Variants in ITGB3BP observed in about 807,000 individuals in gnomAD.
The protein encoded by ITGB3BP is integrin subunit beta 3 binding protein.
Under a neutral mutation model 29.1 loss-of-function variants are expected in ITGB3BP, and 27 were observed. That is an observed-to-expected ratio of 0.93 (90% CI 0.68 to 1.28). The LOEUF (loss-of-function observed/expected upper bound fraction) is 1.28. Among genes scored for constraint, ITGB3BP ranks in the 50% most tolerant of loss-of-function variants. ITGB3BP has a pLI of 0.00. For missense variants in ITGB3BP, 192 were observed against 200.2 expected (o/e 0.96, Z 0.25); for synonymous variants, 61 against 61.4 (o/e 0.99, Z 0.03).
chr1:63,460,526 C>T (rs1481828916), intron 4 of ITGB3BP, among the ~76,000 whole-genome samples: 2 of 152,170 alleles, frequency 1.3e-5, no homozygotes, highest in Non-Finnish European at 2.9e-5. Context: ...GTACATACCA[C>T]ACTTTATCCA....
Position 63,473,127 on chromosome 1 carries a change from G to A in ITGB3BP, c.254+5637C>T, listed in dbSNP as rs1025972250. Among the ~76,000 whole-genome samples, 19 of 149,476 alleles carry A rather than the reference G, an allele frequency of 1.3e-4. 1 individual carries two copies. In the South Asian group the frequency reaches 1.9e-3, roughly 15 times the overall value. On this transcript the variant is annotated intron_variant, in intron 4 of 8. Coordinates refer to ENST00000271002, the MANE Select transcript of ITGB3BP (RefSeq NM_014288.5). The stretch of plus-strand genomic sequence containing the variant: ...ATGTGGGGAGCACCTCTGCCCTGCC[G>A]CCCTGTCTGGGATGTGAGGACCGCC...
intron 3 of ITGB3BP, among the ~76,000 whole-genome samples, chr1:63,480,548 G>A (rs1323763563): frequency 6.6e-6 from 1 of 151,890 alleles, no homozygotes; most frequent in African/African-American, 2.4e-5. Flanking sequence ...ACAGTCAAAC[G>A]AAACTCAATT....
chr1:63,469,245 TTTAC>T (rs998006446), intron 4 of ITGB3BP, among the ~76,000 whole-genome samples: 9 of 152,188 alleles, frequency 5.9e-5, no homozygotes, highest in African/African-American at 2.2e-4. Context: ...ATTACCCATG[TTTAC>T]TTACTATGCT....
chr1:63,487,260 T>C (rs1645548933), intron 3 of ITGB3BP, among the ~76,000 whole-genome samples: 1 of 152,056 alleles, frequency 6.6e-6, no homozygotes, highest in Non-Finnish European at 1.5e-5. Context: ...CCAGTATGTT[T>C]ATTTGAAAAT....
chr1:63,446,554 CCT>C, intron 8 of ITGB3BP: 1 of 452,048 alleles, frequency 2.2e-6, no homozygotes, highest in Non-Finnish European at 4.0e-6. Context: ...AAAAATGTGT[CCT>C]CTCTGACTTT....
At chr1:63,493,404 G>A (rs1645707764) in intron 2 of ITGB3BP, among the ~76,000 whole-genome samples, 1 of 150,176 alleles carries the variant, frequency 6.7e-6, no homozygotes, top group Non-Finnish European at 1.5e-5. Context: ...GACACAGGGA[G>A]ATTCTGTCTC....
intron 3 of ITGB3BP, among the ~76,000 whole-genome samples, chr1:63,481,518 T>C (rs1645437177): frequency 6.6e-6 from 1 of 152,216 alleles, no homozygotes; most frequent in South Asian, 2.1e-4. Context: ...ATGGTATTTT[T>C]CTTGTGAGAT....
intron 7 of ITGB3BP, chr1:63,451,652 A>G (rs1481888754): frequency 6.6e-6 from 1 of 151,996 alleles, no homozygotes; most frequent in Non-Finnish European, 1.5e-5. Flanking sequence ...CCCAAAACTA[A>G]TATGTATGTT....
intron 1 of ITGB3BP, among the ~76,000 whole-genome samples, chr1:63,517,033 C>T (rs556959917): frequency 1.3e-5 from 2 of 150,618 alleles, no homozygotes; most frequent in Admixed American, 6.6e-5. Flanking sequence ...TGATCATACT[C>T]AAAAAAAGAA....
chr1:63,460,648 G>A (rs934584507), intron 4 of ITGB3BP, among the ~76,000 whole-genome samples: 1 of 152,074 alleles, frequency 6.6e-6, no homozygotes, highest in Non-Finnish European at 1.5e-5. Context: ...TTTATTTTGG[G>A]CATATACCTA....
intron 3 of ITGB3BP, among the ~76,000 whole-genome samples, chr1:63,482,361 T>C (rs189851669): frequency 1.3e-5 from 2 of 151,674 alleles, no homozygotes; most frequent in East Asian, 1.9e-4. Context: ...TACTTTATAG[T>C]TGATAAATAC....
intron 2 of ITGB3BP, among the ~76,000 whole-genome samples, chr1:63,506,802 A>G (rs571578434): frequency 6.6e-6 from 1 of 152,308 alleles, no homozygotes; most frequent in South Asian, 2.1e-4. Context: ...ACATATTGGT[A>G]AGGTAAAATG....
At chr1:63,522,992 G>T in intron 1 of ITGB3BP, 137 bp downstream of exon 1, 1 of 968,122 alleles carries the variant, frequency 1.0e-6, no homozygotes, top group Non-Finnish European at 1.7e-6. Flanking sequence ...CCAAGCGAAG[G>T]GAATTGCCTG....
At chr1:63,514,441 TTCA>T (rs1646266257) in intron 1 of ITGB3BP, among the ~76,000 whole-genome samples, 1 of 152,206 alleles carries the variant, frequency 6.6e-6, no homozygotes. Flanking sequence ...TTTATTTAAT[TTCA>T]TAAGAAACTG....
Position 63,468,862 on chromosome 1 carries a change from AAAATAAATAAATAAATAAAT to A in ITGB3BP, c.254+9882_254+9901del, listed in dbSNP as rs71045901. ...GGCAATAAGAGCAAAACTCTGTCTC[AAAATAAATAAATAAATAAAT>A]AAATAAATAAATAAATAAATAAGGT... On this transcript the variant is annotated intron_variant, in intron 4 of 8. Transcript: ENST00000271002. Among the ~76,000 whole-genome samples the A allele has an allele frequency of 7.2e-5, 10 of 139,380 alleles. No homozygotes were observed. The East Asian group carries it at 1.1e-3, about 15-fold the overall frequency. The allele number at this position is 139,380 out of a possible 152,430, so 91.4% of individuals were successfully genotyped here. A position where few individuals can be genotyped will look rare whatever the true frequency, so the allele number is the denominator to read the frequency against.
chr1:63,473,136 G>A (rs559920596), intron 4 of ITGB3BP, among the ~76,000 whole-genome samples: 4 of 151,686 alleles, frequency 2.6e-5, no homozygotes, highest in East Asian at 2.0e-4. Flanking sequence ...CGCCCTGTCT[G>A]GGATGTGAGG....
chr1:63,497,209 T>C (rs1038117828), intron 2 of ITGB3BP, among the ~76,000 whole-genome samples: 1 of 152,008 alleles, frequency 6.6e-6, no homozygotes, highest in Non-Finnish European at 1.5e-5. Flanking sequence ...GGAGGTTGAG[T>C]TGGGAGGATC....
Position 63,496,231 on chromosome 1 carries a change from G to A in ITGB3BP, c.49-6013C>T, listed in dbSNP as rs1161653649. Among the ~76,000 whole-genome samples the A allele has an allele frequency of 3.9e-5, 6 of 151,910 alleles. No homozygotes were observed. In the South Asian group the frequency reaches 6.2e-4, roughly 16 times the overall value. ...CCTTAGCCTCCTGAGTAATTGGGAC[G>A]ACAGGTGCGCACCACCATGCCTGGC... On this transcript the variant is annotated intron_variant, in intron 2 of 8. Transcript: ENST00000271002.
intron 3 of ITGB3BP, among the ~76,000 whole-genome samples, chr1:63,487,317 A>G (rs1008039911): frequency 1.3e-5 from 2 of 152,082 alleles, no homozygotes; most frequent in Non-Finnish European, 2.9e-5. Context: ...ATGTTGTTCA[A>G]GGGTCAACTG....
Sources: allele counts gnomAD v4.1 joint callset (sites outside exome capture counted in the v4.1 genomes callset), GRCh38; gene constraint gnomAD v4.1.1; transcripts MANE v1.5; gene names NCBI Gene and HGNC (gene_info 2026-07-23, HGNC 2026-07-21).